The following SLC35F1 variants were observed in gnomAD, a reference collection of about 807,000 sequenced individuals.
SLC35F1 encodes chromosome 6 open reading frame 169.
A neutral mutation model predicts 48.7 loss-of-function variants in SLC35F1; 14 were observed. That is an observed-to-expected ratio of 0.29 (90% confidence interval 0.19 to 0.45). The LOEUF (loss-of-function observed/expected upper bound fraction) is 0.45, where lower values mean the gene tolerates loss of function less well. SLC35F1 is among the 20% of genes least tolerant of loss of function. SLC35F1 has a pLI of 1.00. For missense variants in SLC35F1, 404 were observed against 500.0 expected (o/e 0.81, Z 1.83); for synonymous variants, 190 against 202.2 (o/e 0.94, Z 0.51).
chr6:118,221,022 T>C (rs1775140007), intron 2 of SLC35F1, among the ~76,000 whole-genome samples: 1 of 152,188 alleles, frequency 6.6e-6, no homozygotes, highest in Non-Finnish European at 1.5e-5. Flanking sequence ...TTGGCATCTT[T>C]TCCTCTCCTG....
intron 7 of SLC35F1, among the ~76,000 whole-genome samples, chr6:118,308,493 G>C (rs537011404): frequency 6.6e-6 from 1 of 152,294 alleles, no homozygotes; most frequent in Admixed American, 6.5e-5. Context: ...ACATAACCTT[G>C]AGAATGGCCA....
intron 1 of SLC35F1, among the ~76,000 whole-genome samples, chr6:118,141,295 A>ATACAGTATTCAG (rs1273375569): frequency 1.3e-5 from 2 of 152,238 alleles, no homozygotes; most frequent in African/African-American, 2.4e-5. Context: ...TTACAACTGC[A>ATACAGTATTCAG]TACAGTATTC....
intron 2 of SLC35F1, among the ~76,000 whole-genome samples, chr6:118,186,924 G>A (rs1474800728): frequency 1.3e-5 from 2 of 152,210 alleles, no homozygotes; most frequent in Non-Finnish European, 2.9e-5. Flanking sequence ...TAAAGCTGAT[G>A]TAGTCATAAA....
At chr6:118,309,169 A>ATGTGTGTGTGTGTGTG (rs57832608) in intron 7 of SLC35F1, among the ~76,000 whole-genome samples, 1 of 148,104 alleles carries the variant, frequency 6.8e-6, no homozygotes, top group African/African-American at 2.5e-5. Flanking sequence ...GGGCCTGTAG[A>ATGTGTGTGTGTGTGTG]TGTGTGTGTG....
intron 1 of SLC35F1, among the ~76,000 whole-genome samples, chr6:117,958,716 T>G (rs1776458045): frequency 1.3e-5 from 2 of 152,324 alleles, no homozygotes; most frequent in South Asian, 4.1e-4. Flanking sequence ...GTAAGTACAT[T>G]CTATGATGTT....
chr6:117,962,312 C>CA (rs1776507882), intron 1 of SLC35F1, among the ~76,000 whole-genome samples: 2 of 152,058 alleles, frequency 1.3e-5, no homozygotes, highest in Non-Finnish European at 2.9e-5. Context: ...TATTTTAATA[C>CA]AAAAAAACAA....
At chr6:118,225,681 G>A (rs567444665) in intron 2 of SLC35F1, among the ~76,000 whole-genome samples, 1 of 150,660 alleles carries the variant, frequency 6.6e-6, no homozygotes, top group African/African-American at 2.4e-5. Flanking sequence ...ACAGCATCCT[G>A]GCTAACACGG....
At chr6:118,275,317 T>C in intron 4 of SLC35F1, 142 bp from the exon 5 acceptor site, 1 of 908,776 alleles carries the variant, frequency 1.1e-6, no homozygotes, top group Non-Finnish European at 1.6e-6. Flanking sequence ...TAAACTTTAC[T>C]AAATCTCAGT....
At chr6:118,162,610 A>G (rs1378523039) in intron 2 of SLC35F1, among the ~76,000 whole-genome samples, 1 of 152,210 alleles carries the variant, frequency 6.6e-6, no homozygotes, top group Non-Finnish European at 1.5e-5. Context: ...TGATGGAATA[A>G]GTTATCACTG....
chr6:118,013,325 G>C (rs74953590), intron 1 of SLC35F1, among the ~76,000 whole-genome samples: 7 of 152,098 alleles, frequency 4.6e-5, no homozygotes, highest in Non-Finnish European at 1.0e-4. Context: ...TGGGCAGCAG[G>C]CTTTTAAACA....
intron 2 of SLC35F1, among the ~76,000 whole-genome samples, chr6:118,159,220 CAAAAAAAA>C (rs60060945): frequency 9.1e-5 from 4 of 43,844 alleles, no homozygotes; most frequent in East Asian, 1.8e-3. Context: ...GACTCTGTCT[CAAAAAAAA>C]AAAAAAAAAA....
chr6:118,082,838 G>A (rs1025653261), intron 1 of SLC35F1, among the ~76,000 whole-genome samples: 3 of 152,210 alleles, frequency 2.0e-5, no homozygotes, highest in African/African-American at 7.2e-5. Context: ...CAAATCTCAG[G>A]GAAAGCTTTG....
intron 1 of SLC35F1, among the ~76,000 whole-genome samples, chr6:118,130,217 C>T (rs1773689827): frequency 6.6e-6 from 1 of 152,068 alleles, no homozygotes; most frequent in Admixed American, 6.6e-5. Context: ...GATGAGATGA[C>T]TTAGTACCTG....
In SLC35F1 at chr6:118,212,622, G is replaced by A. The variant is rs186643143; in HGVS notation, c.350-22887G>A. 7.2e-4 allele frequency among the ~76,000 whole-genome samples: 110 copies of A among 151,864 alleles called. 1 individual carries two copies. In the South Asian group the frequency reaches 7.9e-3, roughly 11 times the overall value. On this transcript the variant is annotated intron_variant, in intron 2 of 7. Coordinates refer to ENST00000360388, the MANE Select transcript of SLC35F1 (RefSeq NM_001029858.4). ...GAAGAATCGCTTGACCCTGGGAGGCGGAGATTGCAGTGAGGTGACATCGCT... is the reference window on the plus strand; with the variant it reads ...GAAGAATCGCTTGACCCTGGGAGGCAGAGATTGCAGTGAGGTGACATCGCT...
chr6:117,938,783 G>A (rs902618283), intron 1 of SLC35F1, among the ~76,000 whole-genome samples: 9 of 152,160 alleles, frequency 5.9e-5, no homozygotes, highest in Non-Finnish European at 1.0e-4. Context: ...TGGGATATAC[G>A]CACATCACAA....
intron 2 of SLC35F1, among the ~76,000 whole-genome samples, chr6:118,162,611 G>A (rs190294056): frequency 6.6e-6 from 1 of 152,184 alleles, no homozygotes; most frequent in African/African-American, 2.4e-5. Context: ...GATGGAATAA[G>A]TTATCACTGG....
intron 1 of SLC35F1, among the ~76,000 whole-genome samples, chr6:118,128,670 A>G (rs886895433): frequency 2.0e-5 from 3 of 150,846 alleles, no homozygotes; most frequent in South Asian, 2.1e-4. Flanking sequence ...GTGGGGTGGG[A>G]GGAGGGGGGA....
chr6:117,929,081 C>A (rs907644785), intron 1 of SLC35F1, among the ~76,000 whole-genome samples: 1 of 152,068 alleles, frequency 6.6e-6, no homozygotes, highest in Non-Finnish European at 1.5e-5. Context: ...AGAACCCTCA[C>A]CCATCATGAT....
chr6:118,310,587 G>A (rs1776361879), intron 7 of SLC35F1, among the ~76,000 whole-genome samples: 1 of 151,650 alleles, frequency 6.6e-6, no homozygotes, highest in South Asian at 2.1e-4. Flanking sequence ...TAATCATAAT[G>A]CTTGCTTGAC....
Sources: gnomAD v4.1 joint callset for allele counts (sites outside exome capture counted in the v4.1 genomes callset) on GRCh38, gnomAD v4.1.1 for gene constraint, MANE v1.5 for transcripts, NCBI Gene and HGNC (gene_info 2026-07-23, HGNC 2026-07-21) for gene names.